Variants in SLIT1 observed in about 807,000 individuals in gnomAD.
SLIT1 encodes the protein slit guidance ligand 1.
A neutral mutation model predicts 186.1 loss-of-function variants in SLIT1; 66 were observed. That is an observed-to-expected ratio of 0.35 (90% confidence interval 0.29 to 0.44). The LOEUF is 0.44. Ranked by LOEUF, SLIT1 falls within the 20% of genes least tolerant of loss-of-function variation. The pLI, the probability that SLIT1 is intolerant of heterozygous loss-of-function variation, is 1.00. For synonymous variants in SLIT1, 761 were observed against 833.8 expected (o/e 0.91, Z 1.50); for missense variants, 1,638 against 2,037.4 (o/e 0.80, Z 3.77).
chr10:97,043,050 G>T lies in SLIT1; in HGVS notation c.2015C>A (p.Pro672His). 6.2e-7 allele frequency: 1 copy of T among 1,614,076 alleles called. No individual in the cohort carries two copies. The highest frequency in any genetic ancestry group is 8.5e-7 in the Non-Finnish European group (1 of 1,179,956). Residue 672 changes from proline to histidine, a missense_variant, in exon 20 of 37, where the codon CCT (proline) becomes CAT (histidine). Pro to His is a moderately conservative substitution (Grantham distance 77). Around this residue, in one of 3 missense-constraint regions of SLIT1, gnomAD observed 1,245 missense variants for 1,535.3 expected, o/e 0.81. Transcript: ENST00000266058. This position sits in a 1 kb window ranked among gnomAD's most constrained non-coding sequence, Gnocchi z 7.0. ...SLSTLNLLAN[P>H]FNCNCQLAWL... ...GGCCAGCTGGCAGTTGCAGTTGAAA[G>T]GGTTGGCCAGGAGATTCCTGGAAGA...
At chr10:97,091,757 G>A (rs943131911) in intron 4 of SLIT1, among the ~76,000 whole-genome samples, 1 of 152,198 alleles carries the variant, frequency 6.6e-6, no homozygotes, top group Non-Finnish European at 1.5e-5. Flanking sequence ...TGGCTGAAGT[G>A]CACAGAGCTC....
At chr10:97,119,989 C>T (rs1277921629) in intron 4 of SLIT1, among the ~76,000 whole-genome samples, 3 of 137,352 alleles carry the variant, frequency 2.2e-5, no homozygotes, top group Admixed American at 7.9e-5. Flanking sequence ...ATTTAACAAA[C>T]ATTTATCTGT....
intron 13 of SLIT1, among the ~76,000 whole-genome samples, chr10:97,055,624 C>T (rs1489361313): frequency 6.6e-6 from 1 of 152,194 alleles, no homozygotes; most frequent in African/African-American, 2.4e-5. Context: ...CCTGCCTCAG[C>T]CTCCCAGAGT....
chr10:97,038,373 T>C (rs1162436727), intron 21 of SLIT1, among the ~76,000 whole-genome samples: 2 of 152,166 alleles, frequency 1.3e-5, no homozygotes, highest in Non-Finnish European at 2.9e-5. Context: ...CCACCACCCA[T>C]GCCCGGGCTC....
chr10:97,026,696 G>A (rs1039631648), intron 25 of SLIT1, among the ~76,000 whole-genome samples: 11 of 152,298 alleles, frequency 7.2e-5, no homozygotes, highest in Admixed American at 7.2e-4. Context: ...GGGAACCCTA[G>A]CCTGGGACCT....
chr10:97,058,047 C>A (rs1004199130), intron 11 of SLIT1: 1 of 717,466 alleles, frequency 1.4e-6, no homozygotes, highest in Non-Finnish European at 2.6e-6. Flanking sequence ...ACAGCAAAGG[C>A]CCTGCAGTGG....
chr10:97,063,264 G>A (rs1421286049), intron 8 of SLIT1, among the ~76,000 whole-genome samples, 191 bp downstream of exon 8: 2 of 151,846 alleles, frequency 1.3e-5, no homozygotes, highest in Non-Finnish European at 2.9e-5. Flanking sequence ...GGTGATGGAT[G>A]GGGCAGGAGG....
rs952425495 is a variant in SLIT1, at chr10:97,056,236, G to A, written c.1301+85C>T. 2.4e-5 allele frequency: 36 copies of A among 1,471,466 alleles called. No individual in the cohort carries two copies. In the African/African-American group the frequency reaches 2.9e-4, roughly 12 times the overall value. The allele number at this position is 1,471,466 out of a possible 1,614,324, so 91.2% of individuals were successfully genotyped here. ...CCAGTGAGCACAGCAGCCCAGAGCC[G>A]GAGAGCTGCCTGTCCCTGGAGGCTG... On this transcript the variant is annotated intron_variant, in intron 13 of 36. Transcript: ENST00000266058.
Position 97,064,102 on chromosome 10 carries a change from CCCCA to C in SLIT1, c.629+62_629+65del, listed in dbSNP as rs1042030866. The C allele has an allele frequency of 6.8e-6, 9 of 1,329,804 alleles. No individual in the cohort carries two copies. In the African/African-American group the frequency reaches 1.3e-4, roughly 19 times the overall value. The allele number at this position is 1,329,804 out of a possible 1,614,324, so 82.4% of individuals were successfully genotyped here. On this transcript the variant is annotated intron_variant, in intron 7 of 36. Transcript: ENST00000266058. ...CTGTCTGCAAAACCTTCACCTCCTG[CCCCA>C]CCCACCCCCTGGCATCAACCGGGCT...
chr10:97,003,734 A>G (rs1848333254), intron 34 of SLIT1, among the ~76,000 whole-genome samples: 1 of 152,222 alleles, frequency 6.6e-6, no homozygotes, highest in South Asian at 2.1e-4. Context: ...GAGGGCCCCA[A>G]GACTGGGAAT....
At chr10:97,063,243 T>C (rs1313457270) in intron 8 of SLIT1, among the ~76,000 whole-genome samples, 4 of 143,490 alleles carry the variant, frequency 2.8e-5, no homozygotes, top group Non-Finnish European at 4.5e-5. Context: ...GAGCAGACAG[T>C]GGAGTCAGGA....
At chr10:97,124,890 T>A (rs565896544) in intron 4 of SLIT1, among the ~76,000 whole-genome samples, 1 of 152,142 alleles carries the variant, frequency 6.6e-6, no homozygotes, top group South Asian at 2.1e-4. Flanking sequence ...CTTAATAAAA[T>A]GAAGATGGAA....
chr10:97,098,346 G>A (rs1268839175), intron 4 of SLIT1, among the ~76,000 whole-genome samples: 1 of 152,248 alleles, frequency 6.6e-6, no homozygotes, highest in African/African-American at 2.4e-5. Context: ...GGCTGAGGAA[G>A]TGGTAACTGG....
intron 20 of SLIT1, among the ~76,000 whole-genome samples, chr10:97,042,407 G>A (rs1848697955): frequency 1.3e-5 from 2 of 152,092 alleles, no homozygotes; most frequent in African/African-American, 4.8e-5. Flanking sequence ...GAAAAAATGA[G>A]GGATGGGGCT....
intron 14 of SLIT1, 96 bp downstream of exon 14, chr10:97,048,859 G>GGTGGA: frequency 2.1e-6 from 1 of 466,780 alleles, no homozygotes; most frequent in Non-Finnish European, 3.0e-6. Flanking sequence ...GGGTAGGTGG[G>GGTGGA]CAGGTGGGCA....
chr10:97,158,857 CAG>C (rs1189140387), intron 3 of SLIT1, among the ~76,000 whole-genome samples: 1 of 151,130 alleles, frequency 6.6e-6, no homozygotes. Context: ...GCCTGGGCAA[CAG>C]AGTGAGACTC....
At chr10:97,115,165 T>G (rs963428684) in intron 4 of SLIT1, among the ~76,000 whole-genome samples, 2 of 152,248 alleles carry the variant, frequency 1.3e-5, no homozygotes, top group Admixed American at 1.3e-4. Flanking sequence ...GCTGGCCCAG[T>G]GCAGGGGCCC....
intron 1 of SLIT1, among the ~76,000 whole-genome samples, chr10:97,183,563 A>G (rs1850370474): frequency 6.6e-6 from 1 of 152,162 alleles, no homozygotes; most frequent in Non-Finnish European, 1.5e-5. Context: ...GAGCTGGGGA[A>G]CCAGGCAGTA....
chr10:97,128,476 A>C (rs140596788), intron 4 of SLIT1, among the ~76,000 whole-genome samples: 456 of 152,256 alleles, frequency 3.0e-3, no homozygotes, highest in African/African-American at 0.01. Context: ...ACACCCCACC[A>C]GCTCACTCCC....
Sources: allele counts gnomAD v4.1 joint callset (sites outside exome capture counted in the v4.1 genomes callset), GRCh38; gene constraint gnomAD v4.1.1; regional missense constraint gnomAD v4.1.1; non-coding constraint Gnocchi (gnomAD v3.1); transcripts MANE v1.5; gene names NCBI Gene and HGNC (gene_info 2026-07-23, HGNC 2026-07-21).